TYMS: variants seen among roughly 807,000 people sequenced by gnomAD.
The protein encoded by TYMS is thymidylate synthetase.
A neutral mutation model predicts 39.3 loss-of-function variants in TYMS; 21 were observed. That is an observed-to-expected ratio of 0.54 (90% CI 0.38 to 0.77). The LOEUF (loss-of-function observed/expected upper bound fraction) is 0.77, where lower values mean the gene tolerates loss of function less well. TYMS is among the 30% of genes least tolerant of loss of function. The pLI, the probability that TYMS is intolerant of heterozygous loss-of-function variation, is 0.00. For missense variants in TYMS, 273 were observed against 406.7 expected (o/e 0.67, Z 2.83); for synonymous variants, 171 against 162.2 (o/e 1.05, Z -0.41).
chr18:672,841 G>A lies in TYMS; in HGVS notation c.805-19G>A. The A allele has an allele frequency of 1.3e-6, 2 of 1,545,182 alleles. No homozygotes were observed. The highest frequency in any genetic ancestry group is 1.8e-6 in the Non-Finnish European group (2 of 1,131,264). ...GGTCGTACAATTATGGCAAAATAAT[G>A]GCCTTATTTTGTTTTTAGCTTCAGC... is the stretch of plus-strand genomic sequence containing the variant. On this transcript the variant is annotated intron_variant, in intron 6 of 6. Coordinates refer to ENST00000323274, the MANE Select transcript of TYMS (RefSeq NM_001071.4).
In TYMS at chr18:657,788, G is replaced by A. The variant is rs2074703265; in HGVS notation, c.46G>A (p.Ala16Thr). ...GCTGCCGCGCCGGCCCTTGCCCCCC[G>A]CCGCACAGGAGCGGGACGCCGAGCC... The part of the protein sequence containing the change: ...SELPRRPLPP[A>T]AQERDAEPRP... Residue 16 changes from alanine to threonine, a missense_variant, in exon 1 of 7, where the codon GCC (alanine) becomes ACC (threonine). Coordinates refer to ENST00000323274, the MANE Select transcript of TYMS (RefSeq NM_001071.4). 1.4e-6 allele frequency: 2 copies of A among 1,453,062 alleles called. No individual in the cohort carries two copies. The highest frequency in any genetic ancestry group is 3.0e-5 in the East Asian group (1 of 33,604). 90.0% of individuals were successfully genotyped at this position (1,453,062 alleles called of 1,614,324 possible). A position where few individuals can be genotyped will look rare whatever the true frequency, so the allele number is the denominator to read the frequency against.
At chr18:672,310 C>T (rs548267320) in intron 6 of TYMS, 1 of 152,350 alleles carries the variant, frequency 6.6e-6, no homozygotes, top group East Asian at 1.9e-4. Flanking sequence ...AGTTTGGCTG[C>T]TTTTGAGTGG....
chr18:667,493 T>C lies in TYMS; in HGVS notation c.455-1579T>C, dbSNP rs375110922. On this transcript the variant is annotated intron_variant, in intron 3 of 6. Coordinates refer to ENST00000323274, the MANE Select transcript of TYMS (RefSeq NM_001071.4). ...GTGATGGTGATGGTGATGGTGATGGTGATGGAGATGGTGATGGTGATGGTG... is the reference window on the plus strand; with the variant it reads ...GTGATGGTGATGGTGATGGTGATGGCGATGGAGATGGTGATGGTGATGGTG... 2.4e-4 allele frequency among the ~76,000 whole-genome samples: 8 copies of C among 32,762 alleles called. 2 individuals carry two copies. The highest frequency in any genetic ancestry group is 1.6e-3 in the African/African-American group (7 of 4,290). The allele number at this position is 32,762 out of a possible 152,430, so 21.5% of individuals were successfully genotyped here.
In TYMS at chr18:658,182, C is replaced by G; in HGVS notation, c.205+235C>G. On this transcript the variant is annotated intron_variant, in intron 1 of 6. Transcript: ENST00000323274. The surrounding 1 kb of genome is among the most constrained non-coding windows in gnomAD (Gnocchi z 4.5). Reference sequence around the variant, plus strand: ...CGACAGCCGGGAGGTAAGCCGCGTCCCAGCGGCTCCGCGGCCGGGCTCGCA... The same window carrying G: ...CGACAGCCGGGAGGTAAGCCGCGTCGCAGCGGCTCCGCGGCCGGGCTCGCA... 2 of 1,556,294 alleles carry G rather than the reference C, an allele frequency of 1.3e-6. No homozygotes were observed. Among genetic ancestry groups the G allele is most frequent in the Admixed American group, 3.7e-5 (2 of 54,390 alleles).
intron 2 of TYMS, 51 bp downstream of exon 2, chr18:659,765 G>T: frequency 6.7e-7 from 1 of 1,484,180 alleles, no homozygotes; most frequent in Non-Finnish European, 9.4e-7. Context: ...CAACACAGCA[G>T]CCAGTGAGAT....
In TYMS at chr18:658,053, C is replaced by T. The variant is rs1274218920; in HGVS notation, c.205+106C>T. ...GCTGCGGACCCCGTTTAGTCCTAAC[C>T]TCAATCCTGCGAGGGAGGGGACGCA... On this transcript the variant is annotated intron_variant, in intron 1 of 6. Coordinates refer to ENST00000323274, the MANE Select transcript of TYMS (RefSeq NM_001071.4). The surrounding 1 kb of genome is among the most constrained non-coding windows in gnomAD (Gnocchi z 4.5). 12 of 1,569,252 alleles carry T rather than the reference C, an allele frequency of 7.6e-6. No homozygotes were observed. The highest frequency in any genetic ancestry group is 9.5e-6 in the Non-Finnish European group (11 of 1,159,858).
At chr18:671,700 A>T (rs1055212776) in intron 6 of TYMS, 1 of 513,026 alleles carries the variant, frequency 1.9e-6, no homozygotes, top group African/African-American at 2.0e-5. Flanking sequence ...GAAGAGCCAC[A>T]TTCAAGCCAG....
Position 658,397 on chromosome 18 carries a change from G to T in TYMS, c.205+450G>T. 1 of 1,236,596 alleles carries T rather than the reference G, an allele frequency of 8.1e-7. No individual in the cohort carries two copies. 76.6% of individuals were successfully genotyped at this position (1,236,596 alleles called of 1,614,324 possible). A position where few individuals can be genotyped will look rare whatever the true frequency, so the allele number is the denominator to read the frequency against. On this transcript the variant is annotated intron_variant, in intron 1 of 6. Transcript: ENST00000323274. This position sits in a 1 kb window ranked among gnomAD's most constrained non-coding sequence, Gnocchi z 4.5. ...CGTTTTCAAAAACTGGAGCGAAAGT[G>T]ATGTGGGCGGGGCAAAGGCGGCGGG...
chr18:667,265 A>G (rs1475697480), intron 3 of TYMS, among the ~76,000 whole-genome samples: 1 of 23,860 alleles, frequency 4.2e-5, no homozygotes, highest in Non-Finnish European at 7.1e-5. Flanking sequence ...GGTGATGGAG[A>G]TGGTGATGGT....
At chr18:663,853 T>C (rs2074780913) in intron 3 of TYMS, among the ~76,000 whole-genome samples, 2 of 109,850 alleles carry the variant, frequency 1.8e-5, no homozygotes, top group Non-Finnish European at 1.8e-5. Context: ...TTCTGAGGGC[T>C]CTGTTCTGTT....
chr18:665,236 T>C (rs1256177625), intron 3 of TYMS, among the ~76,000 whole-genome samples: 1 of 150,986 alleles, frequency 6.6e-6, no homozygotes, highest in Admixed American at 6.6e-5. Context: ...TTCTTCCTGG[T>C]TTAGTCTTGG....
chr18:672,665 T>G (rs1166388171), intron 6 of TYMS, 195 bp from the exon 7 acceptor site: 1 of 468,284 alleles, frequency 2.1e-6, no homozygotes, highest in East Asian at 3.1e-5. Flanking sequence ...TACCCCTCAC[T>G]CTCGATCTGT....
rs2075009003 is a variant in TYMS at position 670,836 on chromosome 18, C to T, written c.701C>T (p.Thr234Met). Residue 234 changes from threonine (T) to methionine (M), a missense_variant, in exon 5 of 7, where the codon ACG (threonine) becomes ATG (methionine). Physicochemically the swap from Thr to Met is moderately conservative, Grantham distance 81 (BLOSUM62 -1). Around this residue, in one of 3 missense-constraint regions of TYMS, gnomAD observed 228 missense variants for 326.1 expected, o/e 0.70. Coordinates refer to ENST00000323274, the MANE Select transcript of TYMS (RefSeq NM_001071.4). Reference sequence around the variant, plus strand: ...AACATCGCCAGCTACGCCCTGCTCACGTACATGATTGCGCACATCACGGGC... The same window carrying T: ...AACATCGCCAGCTACGCCCTGCTCATGTACATGATTGCGCACATCACGGGC... ...PFNIASYALL[T>M]YMIAHITGLK... The T allele has an allele frequency of 4.3e-6, 7 of 1,614,096 alleles. No homozygotes were observed. Among genetic ancestry groups the T allele is most frequent in the Non-Finnish European group, 5.1e-6 (6 of 1,180,012 alleles).
At chr18:665,454 T>C (rs917760113) in intron 3 of TYMS, among the ~76,000 whole-genome samples, 1 of 150,264 alleles carries the variant, frequency 6.7e-6, no homozygotes, top group Admixed American at 6.6e-5. Context: ...GTTGATCCTT[T>C]CAAAAAACCA....
At chr18:671,332 A>G in intron 5 of TYMS, 48 bp from the exon 6 acceptor site, 1 of 1,217,322 alleles carries the variant, frequency 8.2e-7, no homozygotes, top group Non-Finnish European at 1.2e-6. Context: ...TGATGTTTTA[A>G]AGAATTGAAA....
intron 3 of TYMS, among the ~76,000 whole-genome samples, chr18:666,961 GGAGAT>G (rs2074840464): frequency 4.4e-5 from 1 of 22,872 alleles, no homozygotes; most frequent in Non-Finnish European, 8.5e-5. Context: ...TGATGGAGAT[GGAGAT>G]GGTGATGGAG....
At chr18:666,423 A>G (rs2074817337) in intron 3 of TYMS, among the ~76,000 whole-genome samples, 1 of 152,154 alleles carries the variant, frequency 6.6e-6, no homozygotes, top group Admixed American at 6.5e-5. Flanking sequence ...AGAATGAAAC[A>G]TCTCACTCCT....
Position 658,213 on chromosome 18 carries a change from C to G in TYMS, c.205+266C>G. On this transcript the variant is annotated intron_variant, in intron 1 of 6. Transcript: ENST00000323274. The surrounding 1 kb of genome is among the most constrained non-coding windows in gnomAD (Gnocchi z 4.5). Reference sequence around the variant, plus strand: ...GCTCCGCGGCCGGGCTCGCAGTCGCCCCAGTGATGCCGTGGCCCCCGAGGC... The same window carrying G: ...GCTCCGCGGCCGGGCTCGCAGTCGCGCCAGTGATGCCGTGGCCCCCGAGGC... The G allele has an allele frequency of 6.6e-7, 1 of 1,521,198 alleles. No homozygotes were observed. The highest frequency in any genetic ancestry group is 8.9e-7 in the Non-Finnish European group (1 of 1,127,716). The allele number at this position is 1,521,198 out of a possible 1,614,324, so 94.2% of individuals were successfully genotyped here.
Position 658,207 on chromosome 18 carries a change from A to G in TYMS, c.205+260A>G. On this transcript the variant is annotated intron_variant, in intron 1 of 6. Coordinates refer to ENST00000323274, the MANE Select transcript of TYMS (RefSeq NM_001071.4). This position sits in a 1 kb window ranked among gnomAD's most constrained non-coding sequence, Gnocchi z 4.5. ...CCAGCGGCTCCGCGGCCGGGCTCGC[A>G]GTCGCCCCAGTGATGCCGTGGCCCC... The G allele has an allele frequency of 1.3e-6, 2 of 1,525,360 alleles. No individual in the cohort carries two copies. The highest frequency in any genetic ancestry group is 1.4e-5 in the African/African-American group (1 of 72,718). 94.5% of individuals were successfully genotyped at this position (1,525,360 alleles called of 1,614,324 possible).
Sources: allele counts gnomAD v4.1 joint callset (sites outside exome capture counted in the v4.1 genomes callset), GRCh38; gene constraint gnomAD v4.1.1; regional missense constraint gnomAD v4.1.1; non-coding constraint Gnocchi (gnomAD v3.1); transcripts MANE v1.5; gene names NCBI Gene and HGNC (gene_info 2026-07-23, HGNC 2026-07-21).